The following KIAA1217 variants were observed in gnomAD, a reference collection of about 807,000 sequenced individuals.
KIAA1217 encodes the protein KIAA1217, also known as sickle tail protein homolog.
A neutral mutation model predicts 163.9 loss-of-function variants in KIAA1217; 88 were observed. The observed-to-expected ratio is 0.54, with a 90% CI of 0.45 to 0.64. KIAA1217 has a LOEUF of 0.64. Among genes scored for constraint, KIAA1217 ranks in the 30% least tolerant of loss-of-function variants. The pLI is 0.00. For missense variants in KIAA1217, 2,372 were observed against 2,475.0 expected, an observed-to-expected ratio of 0.96 and a Z score of 0.88; for synonymous variants, 903 against 923.1, an observed-to-expected ratio of 0.98 and a Z score of 0.39.
At chr10:24,038,174 C>T (rs936705911) in intron 2 of KIAA1217, among the ~76,000 whole-genome samples, 1 of 152,140 alleles carries the variant, frequency 6.6e-6, no homozygotes, top group African/African-American at 2.4e-5. Flanking sequence ...CACTGTTGAC[C>T]ATGGCCCTGT....
At chr10:24,331,362 C>T (rs1201538731) in intron 2 of KIAA1217, among the ~76,000 whole-genome samples, 2 of 152,322 alleles carry the variant, frequency 1.3e-5, no homozygotes, top group East Asian at 3.9e-4. Flanking sequence ...TGTTAGGATG[C>T]CTTAGAATCT....
chr10:23,889,284 A>G (rs1195143473), intron 1 of KIAA1217, among the ~76,000 whole-genome samples: 1 of 151,830 alleles, frequency 6.6e-6, no homozygotes, highest in Admixed American at 6.6e-5. Flanking sequence ...AATGTATGAG[A>G]GTTTCAGTAG....
At chr10:24,342,961 C>T (rs911489359) in intron 2 of KIAA1217, among the ~76,000 whole-genome samples, 2 of 152,110 alleles carry the variant, frequency 1.3e-5, no homozygotes, top group East Asian at 1.9e-4. Context: ...CCGGCCGACT[C>T]AGTTTTTAAT....
At chr10:23,830,821 TACACAC>T (rs139183459) in intron 1 of KIAA1217, among the ~76,000 whole-genome samples, 54 of 147,544 alleles carry the variant, frequency 3.7e-4, no homozygotes, top group African/African-American at 9.4e-4. Context: ...GATATATGTG[TACACAC>T]ACACACACAC....
intron 1 of KIAA1217, among the ~76,000 whole-genome samples, chr10:23,701,829 A>G (rs57947857): frequency 0.039 from 5,925 of 152,246 alleles, 137 homozygotes; most frequent in South Asian, 0.08. Context: ...ACCTTATTAC[A>G]TTTATGTATA....
chr10:23,945,439 A>T (rs183938438), intron 1 of KIAA1217, among the ~76,000 whole-genome samples: 1 of 152,216 alleles, frequency 6.6e-6, no homozygotes, highest in Non-Finnish European at 1.5e-5. Context: ...GGTGATAGAA[A>T]TCAGAGCAAT....
Position 24,167,485 on chromosome 10 carries a change from A to G in KIAA1217, c.-170-52141A>G, listed in dbSNP as rs2065412922. 3.3e-5 allele frequency among the ~76,000 whole-genome samples: 5 copies of G among 152,246 alleles called. No individual in the cohort carries two copies. The South Asian group carries it at 8.3e-4, about 25-fold the overall frequency. On this transcript the variant is annotated intron_variant, in intron 2 of 18. Transcript: ENST00000376462. ...TAGTTCTCTACAACATGTGCAAACT[A>G]GAGCCCAAGATGTAAAGGCCTCCTG...
chr10:24,015,895 G>A (rs1451489908), intron 2 of KIAA1217, among the ~76,000 whole-genome samples: 1 of 151,748 alleles, frequency 6.6e-6, no homozygotes, highest in Non-Finnish European at 1.5e-5. Context: ...CCCTCTTCCT[G>A]TTTGCGTAGG....
intron 2 of KIAA1217, among the ~76,000 whole-genome samples, chr10:24,313,927 C>T (rs952636554): frequency 1.1e-4 from 17 of 149,850 alleles, no homozygotes; most frequent in Admixed American, 2.0e-4. Context: ...GCAACTTCCA[C>T]CTCCCGGGCT....
intron 3 of KIAA1217, 94 bp from the exon 4 acceptor site, chr10:24,432,901 G>T: frequency 1.1e-6 from 1 of 923,664 alleles, no homozygotes. Context: ...TGTCCTGAAC[G>T]TTCCTAAGTG....
chr10:24,318,283 CAGAT>C (rs1346441669), intron 2 of KIAA1217, among the ~76,000 whole-genome samples: 2 of 152,020 alleles, frequency 1.3e-5, no homozygotes, highest in Non-Finnish European at 2.9e-5. Context: ...GATAGATAGA[CAGAT>C]AGACAGACAG....
At chr10:24,121,567 T>C (rs568609407) in intron 2 of KIAA1217, among the ~76,000 whole-genome samples, 1 of 152,292 alleles carries the variant, frequency 6.6e-6, no homozygotes, top group African/African-American at 2.4e-5. Context: ...GAGGGAGATG[T>C]CAAATTTTTT....
At chr10:23,905,063 C>CTTTTTTTTTTTTTTTTTT (rs562938938) in intron 1 of KIAA1217, among the ~76,000 whole-genome samples, 1 of 99,942 alleles carries the variant, frequency 1.0e-5, no homozygotes, top group African/African-American at 3.9e-5. Flanking sequence ...TTCTCTTTTC[C>CTTTTTTTTTTTTTTTTTT]TTTTTTTTTT....
chr10:23,876,857 T>C (rs1156291624), intron 1 of KIAA1217, among the ~76,000 whole-genome samples: 2 of 151,940 alleles, frequency 1.3e-5, no homozygotes, highest in Admixed American at 6.6e-5. Flanking sequence ...TACAACTATA[T>C]TTGATGACAA....
chr10:24,523,514 AG>A (rs2071620860), intron 12 of KIAA1217, among the ~76,000 whole-genome samples: 1 of 152,210 alleles, frequency 6.6e-6, no homozygotes, highest in Admixed American at 6.5e-5. Flanking sequence ...CATAATAAAA[AG>A]GGGATGAGGG....
chr10:23,872,621 G>A (rs543034001), intron 1 of KIAA1217, among the ~76,000 whole-genome samples: 16 of 152,006 alleles, frequency 1.1e-4, no homozygotes, highest in Admixed American at 3.3e-4. Context: ...TTCTTTATTG[G>A]CAAAGCTGCT....
intron 1 of KIAA1217, among the ~76,000 whole-genome samples, chr10:23,860,886 T>A (rs1394299595): frequency 6.6e-6 from 1 of 151,884 alleles, no homozygotes; most frequent in African/African-American, 2.4e-5. Context: ...CTCTTTTTCT[T>A]TCCTTCTTTT....
At chr10:24,141,346 G>A (rs1438870092) in intron 2 of KIAA1217, among the ~76,000 whole-genome samples, 1 of 150,946 alleles carries the variant, frequency 6.6e-6, no homozygotes, top group Non-Finnish European at 1.5e-5. Flanking sequence ...AGTGCCTGAT[G>A]GTTTCATTTT....
At chr10:24,017,304 C>T (rs1044899866) in intron 2 of KIAA1217, among the ~76,000 whole-genome samples, 2 of 152,066 alleles carry the variant, frequency 1.3e-5, no homozygotes, top group Non-Finnish European at 2.9e-5. Context: ...TAGGACTTCT[C>T]CTGCCTTGGC....
Sources: gnomAD v4.1 joint callset for allele counts (sites outside exome capture counted in the v4.1 genomes callset) on GRCh38, gnomAD v4.1.1 for gene constraint, MANE v1.5 for transcripts, NCBI Gene and HGNC (gene_info 2026-07-23, HGNC 2026-07-21) for gene names.